Variants in DGKG observed in about 807,000 individuals in gnomAD.
The protein encoded by DGKG is diacylglycerol kinase gamma.
DGKG carries 78 observed loss-of-function variants against 105.3 expected under a neutral mutation model. That is an observed-to-expected ratio of 0.74 (90% CI 0.62 to 0.89). The LOEUF (loss-of-function observed/expected upper bound fraction) is 0.89. Ranked by LOEUF, DGKG falls within the 40% of genes least tolerant of loss-of-function variation. The pLI, the probability that DGKG is intolerant of heterozygous loss-of-function variation, is 0.00. For missense variants in DGKG, 958 were observed against 1,020.1 expected (o/e 0.94, Z 0.83); for synonymous variants, 346 against 367.1 (o/e 0.94, Z 0.66).
At chr3:186,171,115 T>C (rs961892197) in intron 22 of DGKG, among the ~76,000 whole-genome samples, 5 of 152,260 alleles carry the variant, frequency 3.3e-5, no homozygotes, top group Admixed American at 1.3e-4. Context: ...TTCCTTCTTC[T>C]GTGCTTAGAT....
In DGKG at chr3:186,240,234, A is replaced by T. The variant is rs147423483; in HGVS notation, c.1826+2270T>A. ...GTGTCTTGGTTCAGGCGTCTCTGTC[A>T]TTGGAAAACCCTCCATGCCACGTTT... On this transcript the variant is annotated intron_variant, in intron 20 of 24. Transcript: ENST00000265022. 1.1e-4 allele frequency among the ~76,000 whole-genome samples: 17 copies of T among 152,008 alleles called. 1 individual carries two copies. The East Asian group carries it at 3.3e-3, about 29-fold the overall frequency.
intron 1 of DGKG, among the ~76,000 whole-genome samples, chr3:186,353,158 C>T (rs1199518775): frequency 6.6e-6 from 1 of 152,134 alleles, no homozygotes; most frequent in African/African-American, 2.4e-5. Flanking sequence ...TACTCCAGAG[C>T]GTATTACCTG....
chr3:186,304,917 G>T (rs553714156), intron 3 of DGKG, among the ~76,000 whole-genome samples: 1 of 152,192 alleles, frequency 6.6e-6, no homozygotes, highest in Non-Finnish European at 1.5e-5. Flanking sequence ...GTCCTGGAGG[G>T]CAGGAACTGT....
chr3:186,247,703 G>A (rs1031735367), intron 19 of DGKG, among the ~76,000 whole-genome samples: 3 of 152,112 alleles, frequency 2.0e-5, no homozygotes, highest in Admixed American at 2.0e-4. Flanking sequence ...TTGAGAGAAA[G>A]CCAAGGGCAC....
chr3:186,301,856 C>T (rs374568442), intron 3 of DGKG, among the ~76,000 whole-genome samples: 14 of 152,198 alleles, frequency 9.2e-5, no homozygotes, highest in African/African-American at 2.7e-4. Context: ...CAATAATCCC[C>T]TCCAACCTAG....
At chr3:186,241,616 C>T (rs574378607) in intron 20 of DGKG, among the ~76,000 whole-genome samples, 1 of 151,942 alleles carries the variant, frequency 6.6e-6, no homozygotes, top group Non-Finnish European at 1.5e-5. Context: ...AAGTCAACAC[C>T]TTTAGGCTCA....
intron 3 of DGKG, 94 bp downstream of exon 3, chr3:186,306,807 T>C (rs1422478330): frequency 1.2e-6 from 1 of 822,068 alleles, no homozygotes; most frequent in Non-Finnish European, 2.0e-6. Context: ...GAGCAAGTTC[T>C]TCAAGGCAAG....
At chr3:186,359,911 A>G (rs1185267479) in intron 1 of DGKG, among the ~76,000 whole-genome samples, 4 of 152,204 alleles carry the variant, frequency 2.6e-5, no homozygotes, top group Admixed American at 2.6e-4. Context: ...ATGTAATACA[A>G]TAAGATATAC....
chr3:186,320,245 C>T, intron 2 of DGKG, 148 bp downstream of exon 2: 1 of 919,256 alleles, frequency 1.1e-6, no homozygotes, highest in Non-Finnish European at 1.6e-6. Flanking sequence ...GTTAAATACA[C>T]TAATTCTGTG....
At chr3:186,319,991 C>G (rs1189633743) in intron 2 of DGKG, among the ~76,000 whole-genome samples, 2 of 152,218 alleles carry the variant, frequency 1.3e-5, no homozygotes, top group Non-Finnish European at 2.9e-5. Context: ...CAAAATTATG[C>G]TCTGAAGAGC....
At chr3:186,160,349 G>T in intron 24 of DGKG, 2 of 985,224 alleles carry the variant, frequency 2.0e-6, no homozygotes, top group Non-Finnish European at 2.4e-6. Context: ...TTTTGTAGGG[G>T]GGTTGGAGAT....
chr3:186,350,638 T>C (rs1726585083), intron 1 of DGKG, among the ~76,000 whole-genome samples: 1 of 152,256 alleles, frequency 6.6e-6, no homozygotes, highest in South Asian at 2.1e-4. Context: ...ACAGTGATTC[T>C]ATTTTCAAGT....
rs1452700262 is a variant in DGKG, at chr3:186,231,360, G to A, written c.1826+11144C>T. On this transcript the variant is annotated intron_variant, in intron 20 of 24. Transcript: ENST00000265022. The surrounding 1 kb of genome is among the most constrained non-coding windows in gnomAD (Gnocchi z 4.5). ...ATGTGGAGTGGACAGGCCTAGGTGT[G>A]AATCGTAGCTTCTCTAGTAACTAGT... 6.6e-6 allele frequency among the ~76,000 whole-genome samples: 1 copy of A among 152,184 alleles called. No individual in the cohort carries two copies. Among genetic ancestry groups the A allele is most frequent in the Non-Finnish European group, 1.5e-5 (1 of 68,028 alleles).
At chr3:186,190,699 T>A (rs146510248) in intron 21 of DGKG, among the ~76,000 whole-genome samples, 2 of 152,198 alleles carry the variant, frequency 1.3e-5, no homozygotes, top group Admixed American at 6.5e-5. Context: ...AAACTTTACA[T>A]TTATGTTAAT....
chr3:186,265,418 T>A, intron 13 of DGKG, 112 bp from the exon 14 acceptor site: 1 of 965,614 alleles, frequency 1.0e-6, no homozygotes, highest in Non-Finnish European at 1.6e-6. Context: ...AGAAAGCTAG[T>A]GTAGTATGGA....
intron 2 of DGKG, among the ~76,000 whole-genome samples, chr3:186,314,741 A>G (rs1724734782): frequency 6.8e-6 from 1 of 147,912 alleles, no homozygotes. Context: ...GTGACAGAGT[A>G]AGACTCCGTC....
At chr3:186,160,143 T>A (rs1716226640) in intron 24 of DGKG, 1 of 971,100 alleles carries the variant, frequency 1.0e-6, no homozygotes, top group Non-Finnish European at 1.2e-6. Context: ...CCTCACACTA[T>A]GAAATCATTG....
At chr3:186,347,647 AATCTTGGCTCACTGCAAC>A (rs1486615091) in intron 1 of DGKG, among the ~76,000 whole-genome samples, 1 of 151,690 alleles carries the variant, frequency 6.6e-6, no homozygotes, top group African/African-American at 2.4e-5. Context: ...GCAGTGGCAC[AATCTTGGCTCACTGCAAC>A]ATCTGCCTCC....
chr3:186,155,567 G>A (rs573477241), intron 24 of DGKG, among the ~76,000 whole-genome samples: 1 of 152,164 alleles, frequency 6.6e-6, no homozygotes, highest in Non-Finnish European at 1.5e-5. Context: ...GATAAGTAAT[G>A]TAGACGTGAC....
Sources: allele counts gnomAD v4.1 joint callset (sites outside exome capture counted in the v4.1 genomes callset), GRCh38; gene constraint gnomAD v4.1.1; non-coding constraint Gnocchi (gnomAD v3.1); transcripts MANE v1.5; gene names NCBI Gene and HGNC (gene_info 2026-07-23, HGNC 2026-07-21).